The following SLC25A26 variants were observed in gnomAD, a reference collection of about 807,000 sequenced individuals.
SLC25A26 encodes the protein mitochondrial S-adenosylmethionine carrier protein.
A neutral mutation model predicts 37.8 loss-of-function variants in SLC25A26; 36 were observed. The observed-to-expected ratio is 0.95, with a 90% CI of 0.73 to 1.26. SLC25A26 has a LOEUF of 1.26. Ranked by LOEUF, SLC25A26 falls within the 50% of genes most tolerant of loss-of-function variation. The probability of loss-of-function intolerance (pLI) is 0.00; values close to 1 mark genes in which losing one functional copy is unlikely to be tolerated. For missense variants in SLC25A26, 390 were observed against 331.1 expected, an observed-to-expected ratio of 1.18 and a Z score of -1.38; for synonymous variants, 129 against 122.5, an observed-to-expected ratio of 1.05 and a Z score of -0.35.
intron 5 of SLC25A26, among the ~76,000 whole-genome samples, chr3:66,296,356 G>A (rs563952378): frequency 6.6e-6 from 1 of 152,226 alleles, no homozygotes; most frequent in South Asian, 2.1e-4. Context: ...CATCAAACAT[G>A]TTCAAAACTT....
chr3:66,146,127 G>T (rs994090915), intron 1 of SLC25A26, among the ~76,000 whole-genome samples: 6 of 152,048 alleles, frequency 3.9e-5, no homozygotes, highest in African/African-American at 7.2e-5. Context: ...ATCACCTGAG[G>T]TCAGGAGTTC....
At chr3:66,169,302 C>T (rs1254232056) in intron 1 of SLC25A26, among the ~76,000 whole-genome samples, 3 of 152,152 alleles carry the variant, frequency 2.0e-5, no homozygotes, top group Non-Finnish European at 4.4e-5. Context: ...TTTACTGAAG[C>T]CTTAAATTCA....
At chr3:66,274,849 C>G (rs1247474903) in intron 5 of SLC25A26, among the ~76,000 whole-genome samples, 2 of 152,084 alleles carry the variant, frequency 1.3e-5, no homozygotes, top group Non-Finnish European at 2.9e-5. Context: ...GTGGCGATTC[C>G]TCAGGGATCT....
intron 7 of SLC25A26, among the ~76,000 whole-genome samples, chr3:66,367,172 A>G (rs895259749): frequency 6.6e-6 from 1 of 152,192 alleles, no homozygotes; most frequent in African/African-American, 2.4e-5. Flanking sequence ...AGAGTTAATT[A>G]TTTTGTGATT....
intron 5 of SLC25A26, among the ~76,000 whole-genome samples, chr3:66,327,375 C>A (rs1211736878): frequency 6.6e-6 from 1 of 152,118 alleles, no homozygotes; most frequent in Non-Finnish European, 1.5e-5. Context: ...AAACACAAGG[C>A]ACTTTGTCTG....
chr3:66,329,434 G>C (rs1193008701), intron 5 of SLC25A26, among the ~76,000 whole-genome samples: 2 of 152,182 alleles, frequency 1.3e-5, no homozygotes, highest in African/African-American at 4.8e-5. Context: ...CCAGGAGCAA[G>C]TTGGAGTGTG....
At chr3:66,279,792 C>G (rs2074276255) in intron 5 of SLC25A26, among the ~76,000 whole-genome samples, 1 of 152,204 alleles carries the variant, frequency 6.6e-6, no homozygotes, top group African/African-American at 2.4e-5. Context: ...TACCAAGTTT[C>G]TGATACAGCT....
At chr3:66,308,632 A>T (rs2075292710) in intron 5 of SLC25A26, among the ~76,000 whole-genome samples, 1 of 152,174 alleles carries the variant, frequency 6.6e-6, no homozygotes, top group Admixed American at 6.6e-5. Context: ...GACACTGGCT[A>T]TGAGTTTGTC....
At chr3:66,349,273 A>C (rs905673231) in intron 6 of SLC25A26, among the ~76,000 whole-genome samples, 16 of 151,782 alleles carry the variant, frequency 1.1e-4, no homozygotes, top group Admixed American at 9.2e-4. Flanking sequence ...ATATGATAAA[A>C]CTCACCCTTT....
chr3:66,373,498 G>C (rs1700465309), intron 9 of SLC25A26, among the ~76,000 whole-genome samples: 1 of 152,142 alleles, frequency 6.6e-6, no homozygotes, highest in Admixed American at 6.6e-5. Flanking sequence ...GGTAGTAAAG[G>C]TGGGAGAACT....
At chr3:66,271,872 G>A (rs994248643) in intron 5 of SLC25A26, among the ~76,000 whole-genome samples, 5 of 151,546 alleles carry the variant, frequency 3.3e-5, no homozygotes, top group East Asian at 3.9e-4. Flanking sequence ...ATGTCTGTTC[G>A]TTTTCTTTTT....
intron 5 of SLC25A26, among the ~76,000 whole-genome samples, chr3:66,335,709 C>T (rs1320917144): frequency 6.6e-6 from 1 of 152,158 alleles, no homozygotes; most frequent in African/African-American, 2.4e-5. Context: ...CAGACACCTC[C>T]CCTGCCTGCC....
chr3:66,148,871 C>T (rs1043223765), intron 1 of SLC25A26, among the ~76,000 whole-genome samples: 1 of 152,154 alleles, frequency 6.6e-6, no homozygotes, highest in African/African-American at 2.4e-5. Flanking sequence ...ATAAACTTTA[C>T]GTGTCTACCA....
chr3:66,196,846 CAG>C (rs1229975435), intron 1 of SLC25A26, among the ~76,000 whole-genome samples: 1 of 151,970 alleles, frequency 6.6e-6, no homozygotes, highest in African/African-American at 2.4e-5. Flanking sequence ...ACCTAGAGGA[CAG>C]AAAGTTAAAA....
chr3:66,325,069 T>C (rs1246179854), intron 5 of SLC25A26, among the ~76,000 whole-genome samples: 1 of 152,186 alleles, frequency 6.6e-6, no homozygotes, highest in Non-Finnish European at 1.5e-5. Context: ...AGATTGGATT[T>C]TTCTTTATGT....
chr3:66,325,334 C>CA (rs1488999240), intron 5 of SLC25A26, among the ~76,000 whole-genome samples: 3 of 152,200 alleles, frequency 2.0e-5, no homozygotes, highest in Non-Finnish European at 4.4e-5. Flanking sequence ...GATAGGTGGT[C>CA]AGCTCATGGA....
intron 5 of SLC25A26, among the ~76,000 whole-genome samples, chr3:66,314,126 A>G (rs1237995561): frequency 6.6e-6 from 1 of 152,136 alleles, no homozygotes; most frequent in African/African-American, 2.4e-5. Flanking sequence ...CTCTTGCCTG[A>G]TTGTCCTGGC....
intron 5 of SLC25A26, among the ~76,000 whole-genome samples, chr3:66,322,937 CT>C (rs1304058675): frequency 1.3e-5 from 2 of 152,112 alleles, no homozygotes; most frequent in Admixed American, 6.6e-5. Context: ...TTTTTACCTT[CT>C]TGGTTTTTAA....
intron 5 of SLC25A26, among the ~76,000 whole-genome samples, chr3:66,328,677 TAATC>T (rs140185134): frequency 1.9e-3 from 296 of 152,296 alleles, no homozygotes; most frequent in Non-Finnish European, 2.9e-3. Flanking sequence ...TATACATTCT[TAATC>T]AATAAAGCCT....
Sources: gnomAD v4.1 joint callset for allele counts (sites outside exome capture counted in the v4.1 genomes callset) on GRCh38, gnomAD v4.1.1 for gene constraint, MANE v1.5 for transcripts, NCBI Gene and HGNC (gene_info 2026-07-23, HGNC 2026-07-21) for gene names.